UNC5D: variants seen among roughly 807,000 people sequenced by gnomAD.
UNC5D encodes unc-5 netrin receptor D.
In UNC5D, 39 loss-of-function variants were observed where a neutral mutation model predicts 105.4. The ratio of observed to expected loss-of-function variants is 0.37; its 90% CI spans 0.29 to 0.48. The LOEUF (loss-of-function observed/expected upper bound fraction) is 0.48, where lower values mean the gene tolerates loss of function less well. UNC5D is among the 20% of genes least tolerant of loss of function. The probability of loss-of-function intolerance (pLI) is 0.98; values close to 1 mark genes in which losing one functional copy is unlikely to be tolerated. For missense variants in UNC5D, 991 were observed against 1,202.4 expected (o/e 0.82, Z 2.60); for synonymous variants, 452 against 450.4 (o/e 1.00, Z -0.04).
intron 1 of UNC5D, among the ~76,000 whole-genome samples, chr8:35,351,110 A>G (rs1405731945): frequency 6.6e-6 from 1 of 152,090 alleles, no homozygotes; most frequent in Non-Finnish European, 1.5e-5. Flanking sequence ...CAAGCTTAAA[A>G]CAGTAGCATA....
chr8:35,699,351 G>A (rs555748996), intron 7 of UNC5D, among the ~76,000 whole-genome samples: 1 of 152,302 alleles, frequency 6.6e-6, no homozygotes, highest in Admixed American at 6.5e-5. Context: ...GAAGGTCATT[G>A]TCATCAGAAG....
chr8:35,604,848 C>T (rs1820167143), intron 4 of UNC5D, among the ~76,000 whole-genome samples: 1 of 152,198 alleles, frequency 6.6e-6, no homozygotes, highest in Non-Finnish European at 1.5e-5. Context: ...GTTACTGAGG[C>T]TTGTGCATTC....
chr8:35,378,943 TG>T (rs888445410), intron 1 of UNC5D, among the ~76,000 whole-genome samples: 3 of 152,204 alleles, frequency 2.0e-5, no homozygotes, highest in Non-Finnish European at 4.4e-5. Flanking sequence ...GCAGTGTCTC[TG>T]GTTTTGTCAG....
At chr8:35,354,592 T>A (rs1032274431) in intron 1 of UNC5D, among the ~76,000 whole-genome samples, 15 of 152,092 alleles carry the variant, frequency 9.9e-5, no homozygotes, top group African/African-American at 2.9e-4. Context: ...TTTACTAAGG[T>A]GAGGGAGATG....
At chr8:35,654,228 T>G (rs1823596881) in intron 4 of UNC5D, among the ~76,000 whole-genome samples, 1 of 152,256 alleles carries the variant, frequency 6.6e-6, no homozygotes, top group Non-Finnish European at 1.5e-5. Context: ...TCTGAGATTT[T>G]AATGCATCTA....
chr8:35,697,349 G>A (rs1483463148), intron 7 of UNC5D, among the ~76,000 whole-genome samples: 3 of 136,432 alleles, frequency 2.2e-5, no homozygotes, highest in African/African-American at 5.5e-5. Context: ...TTTTTTTTTT[G>A]GAGATTATGT....
rs183422830 is a variant in UNC5D at position 35,446,098 on chromosome 8, C to T, written c.104-103194C>T. Among the ~76,000 whole-genome samples, 43 of 151,872 alleles carry T rather than the reference C, an allele frequency of 2.8e-4. No homozygotes were observed. The East Asian group carries it at 8.2e-3, about 29-fold the overall frequency. ...AGTGGTGATTTGTGAGATTTTGGTG[C>T]ACCCATTACCTGAGCAGTATACACT... On this transcript the variant is annotated intron_variant, in intron 1 of 16. Transcript: ENST00000404895.
At chr8:35,548,396 G>A (rs1028538065) in intron 1 of UNC5D, among the ~76,000 whole-genome samples, 1 of 152,140 alleles carries the variant, frequency 6.6e-6, no homozygotes, top group African/African-American at 2.4e-5. Flanking sequence ...GGTACAAGAT[G>A]CCACTCCTCC....
chr8:35,312,816 A>G (rs1004709541), intron 1 of UNC5D, among the ~76,000 whole-genome samples: 3 of 152,202 alleles, frequency 2.0e-5, no homozygotes, highest in Non-Finnish European at 4.4e-5. Flanking sequence ...AGTATTCCGT[A>G]ATATAAACTC....
At chr8:35,743,571 G>A (rs1193586263) in intron 11 of UNC5D, among the ~76,000 whole-genome samples, 1 of 151,030 alleles carries the variant, frequency 6.6e-6, no homozygotes, top group East Asian at 1.9e-4. Flanking sequence ...GAGCCACCAT[G>A]CCCAGCTGCA....
At chr8:35,564,368 G>C (rs1048247002) in intron 2 of UNC5D, among the ~76,000 whole-genome samples, 1 of 152,056 alleles carries the variant, frequency 6.6e-6, no homozygotes, top group African/African-American at 2.4e-5. Flanking sequence ...TCCCTGTTCT[G>C]CAATATAGGA....
intron 1 of UNC5D, among the ~76,000 whole-genome samples, chr8:35,538,160 C>G (rs7829331): frequency 0.011 from 1,650 of 151,932 alleles, 37 homozygotes; most frequent in African/African-American, 0.038. Flanking sequence ...GTCAGCTAAG[C>G]TGAATCTAAA....
At chr8:35,544,313 C>A in intron 1 of UNC5D, 2 of 1,435,844 alleles carry the variant, frequency 1.4e-6, no homozygotes, top group Non-Finnish European at 1.9e-6. Flanking sequence ...GGAGTGCTGG[C>A]TTTGTGTAAG....
rs745786287 is a variant in UNC5D at position 35,683,519 on chromosome 8, A to G, written c.571-28A>G. 5 of 1,542,420 alleles carry G rather than the reference A, an allele frequency of 3.2e-6. No homozygotes were observed. In the African/African-American group the frequency reaches 7.1e-5, roughly 22 times the overall value. On this transcript the variant is annotated intron_variant, in intron 4 of 16. Coordinates refer to ENST00000404895, the MANE Select transcript of UNC5D (RefSeq NM_080872.4). ...GAAAAGAGTTCTGATTTTTTTAGTG[A>G]CTTGTAAACATTCCTTTCTTCCTGT...
chr8:35,421,134 G>T (rs1426889259), intron 1 of UNC5D, among the ~76,000 whole-genome samples: 2 of 152,134 alleles, frequency 1.3e-5, no homozygotes, highest in African/African-American at 4.8e-5. Flanking sequence ...CTCAGGAAAG[G>T]TTATGACATT....
At chr8:35,455,532 G>A (rs186069528) in intron 1 of UNC5D, among the ~76,000 whole-genome samples, 1,663 of 152,032 alleles carry the variant, frequency 0.011, 34 homozygotes, top group African/African-American at 0.037. Context: ...GTCCACCTCC[G>A]CCTCCCAAAG....
At chr8:35,271,721 G>A (rs62503920) in intron 1 of UNC5D, among the ~76,000 whole-genome samples, 1 of 118,438 alleles carries the variant, frequency 8.4e-6, no homozygotes, top group African/African-American at 3.4e-5. Flanking sequence ...ATTTATACAT[G>A]TATACATGTA....
chr8:35,305,624 T>TCTTTC (rs1808327082), intron 1 of UNC5D, among the ~76,000 whole-genome samples: 2 of 102,672 alleles, frequency 1.9e-5, no homozygotes, highest in Non-Finnish European at 4.1e-5. Flanking sequence ...TTTCTTTCTT[T>TCTTTC]TTCTTTCTCT....
chr8:35,732,878 G>C (rs1267025349), intron 11 of UNC5D, among the ~76,000 whole-genome samples: 1 of 152,160 alleles, frequency 6.6e-6, no homozygotes, highest in Admixed American at 6.5e-5. Flanking sequence ...TAAAGTAAGA[G>C]AGAGGAACAC....
Sources: gnomAD v4.1 joint callset for allele counts (sites outside exome capture counted in the v4.1 genomes callset) on GRCh38, gnomAD v4.1.1 for gene constraint, MANE v1.5 for transcripts, NCBI Gene and HGNC (gene_info 2026-07-23, HGNC 2026-07-21) for gene names.